LGSN: variants seen among roughly 807,000 people sequenced by gnomAD.
The protein encoded by LGSN is lengsin.
LGSN carries 21 observed loss-of-function variants against 19.5 expected under a neutral mutation model. That is an observed-to-expected ratio of 1.07 (90% CI 0.76 to 1.55). LGSN has a LOEUF of 1.55. Among genes scored for constraint, LGSN ranks in the 40% most tolerant of loss-of-function variants. The probability of loss-of-function intolerance (pLI) is 0.00; values close to 1 mark genes in which losing one functional copy is unlikely to be tolerated. For missense variants in LGSN, 673 were observed against 608.5 expected (o/e 1.11, Z -1.12); for synonymous variants, 257 against 215.6 (o/e 1.19, Z -1.68).
the LGSN span, among the ~76,000 whole-genome samples, chr6:63,338,794 G>A: frequency 6.6e-6 from 1 of 151,938 alleles, no homozygotes; most frequent in East Asian, 1.9e-4. Context: ...CTATTGTAAT[G>A]TCAGCATTTA....
the LGSN span, among the ~76,000 whole-genome samples, chr6:63,536,922 G>C: frequency 6.6e-6 from 1 of 152,076 alleles, no homozygotes; most frequent in Non-Finnish European, 1.5e-5. Flanking sequence ...AAAGCTCTAT[G>C]ACTTAATTCT....
the LGSN span, among the ~76,000 whole-genome samples, chr6:63,518,140 T>A: frequency 6.8e-4 from 90 of 132,656 alleles, 1 homozygote; most frequent in East Asian, 0.019. Context: ...GGCAACACAG[T>A]GAGACTCCGT....
At chr6:63,442,341 C>T in the LGSN span, among the ~76,000 whole-genome samples, 12 of 152,258 alleles carry the variant, frequency 7.9e-5, no homozygotes, top group Non-Finnish European at 1.3e-4. Flanking sequence ...GGGACCTGAC[C>T]GGGTTGCTGC....
chr6:63,459,606 T>G, the LGSN span, among the ~76,000 whole-genome samples: 1 of 151,894 alleles, frequency 6.6e-6, no homozygotes, highest in Non-Finnish European at 1.5e-5. Context: ...TCTATATGTA[T>G]ATTGCCCATG....
the LGSN span, among the ~76,000 whole-genome samples, chr6:63,522,980 A>G: frequency 2.0e-5 from 3 of 149,454 alleles, no homozygotes; most frequent in South Asian, 2.1e-4. Flanking sequence ...TTCTCCTGCC[A>G]CAGCCTCCGG....
the LGSN span, among the ~76,000 whole-genome samples, chr6:63,526,836 T>TATATATATATATATAG: frequency 7.6e-6 from 1 of 132,240 alleles, no homozygotes; most frequent in East Asian, 2.1e-4. Flanking sequence ...TATATATATA[T>TATATATATATATATAG]TTATTTATTT....
At chr6:63,511,055 C>T in the LGSN span, among the ~76,000 whole-genome samples, 1 of 152,020 alleles carries the variant, frequency 6.6e-6, no homozygotes, top group East Asian at 1.9e-4. Context: ...ATAAGGAGAT[C>T]AATGGTGCTA....
the LGSN span, among the ~76,000 whole-genome samples, chr6:63,342,107 A>G: frequency 5.9e-5 from 9 of 152,194 alleles, no homozygotes; most frequent in African/African-American, 2.2e-4. Flanking sequence ...GTCAAGCTAC[A>G]TCACCCAGTG....
At chr6:63,288,478 A>G (rs1767635097) in intron 2 of LGSN, among the ~76,000 whole-genome samples, 2 of 151,704 alleles carry the variant, frequency 1.3e-5, no homozygotes, top group African/African-American at 4.8e-5. Flanking sequence ...AAAAAAAACC[A>G]TAATCACCTG....
At chr6:63,474,368 G>A in the LGSN span, among the ~76,000 whole-genome samples, 1 of 152,130 alleles carries the variant, frequency 6.6e-6, no homozygotes. Flanking sequence ...CAGCACATTG[G>A]GAGGCCAAGG....
At chr6:63,441,768 C>A in the LGSN span, 1 of 372,758 alleles carries the variant, frequency 2.7e-6, no homozygotes, top group Non-Finnish European at 5.2e-6. Flanking sequence ...CCCTGCAAGC[C>A]ACTCCCCCGG....
the LGSN span, among the ~76,000 whole-genome samples, chr6:63,476,461 T>A: frequency 2.0e-5 from 3 of 152,206 alleles, no homozygotes; most frequent in African/African-American, 4.8e-5. Flanking sequence ...CTCTTTAGAG[T>A]TCCCCCTACA....
the LGSN span, among the ~76,000 whole-genome samples, chr6:63,445,625 AT>A: frequency 6.6e-6 from 1 of 152,170 alleles, no homozygotes; most frequent in African/African-American, 2.4e-5. Flanking sequence ...CTCAAAAAAA[AT>A]AATAAAAATA....
the LGSN span, among the ~76,000 whole-genome samples, chr6:63,547,818 G>A: frequency 6.6e-6 from 1 of 152,004 alleles, no homozygotes; most frequent in African/African-American, 2.4e-5. Context: ...GCCCAGGGGG[G>A]GATTTGTTAA....
At chr6:63,397,950 G>GA in the LGSN span, among the ~76,000 whole-genome samples, 4 of 150,824 alleles carry the variant, frequency 2.7e-5, no homozygotes, top group Admixed American at 1.3e-4. Flanking sequence ...AAGAAAAAAA[G>GA]AAAAAAAAGA....
the LGSN span, among the ~76,000 whole-genome samples, chr6:63,354,747 C>T: frequency 6.6e-6 from 1 of 151,892 alleles, no homozygotes; most frequent in Admixed American, 6.6e-5. Flanking sequence ...TGTTCATCAA[C>T]AGATGATTAA....
At chr6:63,391,958 G>GGA in the LGSN span, among the ~76,000 whole-genome samples, 1 of 152,156 alleles carries the variant, frequency 6.6e-6, no homozygotes, top group African/African-American at 2.4e-5. Context: ...AGGAATCAAT[G>GGA]ATATGAAAGT....
chr6:63,472,243 G>C, the LGSN span, among the ~76,000 whole-genome samples: 2 of 152,218 alleles, frequency 1.3e-5, no homozygotes, highest in Non-Finnish European at 2.9e-5. Flanking sequence ...GTTGAATCGG[G>C]ACTGGTCCTG....
chr6:63,397,714 T>C, the LGSN span, among the ~76,000 whole-genome samples: 1 of 152,134 alleles, frequency 6.6e-6, no homozygotes, highest in Non-Finnish European at 1.5e-5. Flanking sequence ...TCAGAAGTTT[T>C]TGAGACCAAC....
Sources: allele counts gnomAD v4.1 joint callset (sites outside exome capture counted in the v4.1 genomes callset), GRCh38; gene constraint gnomAD v4.1.1; transcripts MANE v1.5; gene names NCBI Gene and HGNC (gene_info 2026-07-23, HGNC 2026-07-21).